TEAD2: variants seen among roughly 807,000 people sequenced by gnomAD.
TEAD2 encodes the protein transcriptional enhancer factor TEF-4.
TEAD2 carries 51 observed loss-of-function variants against 61.4 expected under a neutral mutation model. The ratio of observed to expected loss-of-function variants is 0.83; its 90% confidence interval spans 0.66 to 1.05. The LOEUF (loss-of-function observed/expected upper bound fraction) is 1.05. Ranked by LOEUF, TEAD2 falls within the 50% of genes least tolerant of loss-of-function variation. The pLI is 0.00. For missense variants in TEAD2, 509 were observed against 600.0 expected (o/e 0.85, Z 1.58); for synonymous variants, 244 against 243.2 (o/e 1.00, Z -0.03).
intron 10 of TEAD2, among the ~76,000 whole-genome samples, chr19:49,345,976 C>T (rs1971601697): frequency 6.6e-6 from 1 of 151,542 alleles, no homozygotes; most frequent in African/African-American, 2.4e-5. Flanking sequence ...ATCAGCCTGG[C>T]CAACATGACG....
chr19:49,348,729 C>A lies in TEAD2; in HGVS notation c.721G>T (p.Val241Leu), dbSNP rs766909400. 6.2e-7 allele frequency: 1 copy of A among 1,614,134 alleles called. No individual in the cohort carries two copies. Among genetic ancestry groups the A allele is most frequent in the Non-Finnish European group, 8.5e-7 (1 of 1,180,022 alleles). ...RLQLVEFSAF[V>L]EPPDAVDSYQ... The stretch of plus-strand genomic sequence containing the variant: ...GAATCAACTGCATCTGGCGGTTCCA[C>A]GAAGGCTGAGAACTCTACCAGCTGC... The change falls in exon 9 of 13, where the codon GTG becomes TTG. Residue 241 changes from valine to leucine, a missense_variant. Coordinates refer to ENST00000593945, the MANE Select transcript of TEAD2 (RefSeq NM_001256660.2).
chr19:49,349,177 T>A (rs770271163), intron 8 of TEAD2: 32 of 193,988 alleles, frequency 1.6e-4, no homozygotes, highest in Non-Finnish European at 2.8e-4. Context: ...TGAAATGTGA[T>A]CCCCAGCTGG....
rs779547789 is a variant in TEAD2 at position 49,341,389 on chromosome 19, CAT to C, written c.1289_1290del (p.Tyr430CysfsTer55). 1 of 1,614,074 alleles carries C rather than the reference CAT, an allele frequency of 6.2e-7. No homozygotes were observed. Among genetic ancestry groups the C allele is most frequent in the Non-Finnish European group, 8.5e-7 (1 of 1,179,982 alleles). The part of the protein sequence containing the change: ...DTQELLLCTA[Y>X]VFEVSTSERG... ...CGCTCGCTGGTGGAGACCTCGAAGACATAGGCGGTGCAGAGCAGCAGTTCCTG... is the reference window on the plus strand; with the variant it reads ...CGCTCGCTGGTGGAGACCTCGAAGACAGGCGGTGCAGAGCAGCAGTTCCTG... On this transcript the variant is annotated frameshift_variant, in exon 13 of 13. Coordinates refer to ENST00000593945, the MANE Select transcript of TEAD2 (RefSeq NM_001256660.2). LOFTEE classifies it high-confidence loss of function. This position sits in a 1 kb window ranked among gnomAD's most constrained non-coding sequence, Gnocchi z 4.2.
At chr19:49,345,062 C>T (rs1971545481) in intron 10 of TEAD2, among the ~76,000 whole-genome samples, 1 of 152,188 alleles carries the variant, frequency 6.6e-6, no homozygotes. Flanking sequence ...TCCTCTGAAC[C>T]CCTTCAGCAG....
chr19:49,344,409 T>C (rs1971502092), intron 10 of TEAD2, among the ~76,000 whole-genome samples: 1 of 151,974 alleles, frequency 6.6e-6, no homozygotes, highest in Non-Finnish European at 1.5e-5. Flanking sequence ...GCCTCCCAAG[T>C]GGCTGGGATT....
chr19:49,359,814 G>T lies in TEAD2; in HGVS notation c.232+30C>A. 6.2e-7 allele frequency: 1 copy of T among 1,603,832 alleles called. No homozygotes were observed. On this transcript the variant is annotated intron_variant, in intron 2 of 12. Transcript: ENST00000593945. The surrounding 1 kb of genome is among the most constrained non-coding windows in gnomAD (Gnocchi z 4.1). ...GTTACTGTCATTATTCATCAGTGGGGGCCAGGGCAAAAGACAGAAGTAGAC... is the reference window on the plus strand; with the variant it reads ...GTTACTGTCATTATTCATCAGTGGGTGCCAGGGCAAAAGACAGAAGTAGAC...
chr19:49,341,532 C>A lies in TEAD2; in HGVS notation c.1243-95G>T, dbSNP rs1971259738. The A allele has an allele frequency of 2.0e-6, 2 of 983,056 alleles. No individual in the cohort carries two copies. Among genetic ancestry groups the A allele is most frequent in the African/African-American group, 1.6e-5 (1 of 62,186 alleles). The allele number at this position is 983,056 out of a possible 1,614,324, so 60.9% of individuals were successfully genotyped here. A position where few individuals can be genotyped will look rare whatever the true frequency, so the allele number is the denominator to read the frequency against. ...AAGCTATCATGGAATACCCAGCAGG[C>A]TCTTTTCCATCTCCAGGAAACAGGC... On this transcript the variant is annotated intron_variant, in intron 12 of 12. Transcript: ENST00000593945. This position sits in a 1 kb window ranked among gnomAD's most constrained non-coding sequence, Gnocchi z 4.2.
intron 3 of TEAD2, among the ~76,000 whole-genome samples, chr19:49,358,139 C>G (rs965400338): frequency 3.9e-5 from 6 of 152,328 alleles, no homozygotes; most frequent in Non-Finnish European, 7.3e-5. Context: ...GAGGCTGAAG[C>G]AAGAGAATCG....
chr19:49,343,480 C>T lies in TEAD2; in HGVS notation c.922-82G>A, dbSNP rs755771129. On this transcript the variant is annotated intron_variant, in intron 10 of 12. Transcript: ENST00000593945. ...GACTACCAGGCGCAGTGGTTCACAC[C>T]TGTAATCCCAGTACTTTGGGAGGCC... 2.2e-5 allele frequency: 33 copies of T among 1,472,808 alleles called. 1 individual carries two copies. Among genetic ancestry groups the T allele is most frequent in the Non-Finnish European group, 2.5e-5 (28 of 1,109,116 alleles). The allele number at this position is 1,472,808 out of a possible 1,614,324, so 91.2% of individuals were successfully genotyped here.
At chr19:49,347,954 G>A (rs955498022) in intron 9 of TEAD2, among the ~76,000 whole-genome samples, 8 of 152,184 alleles carry the variant, frequency 5.3e-5, no homozygotes, top group African/African-American at 1.7e-4. Context: ...AGGCCGCTTT[G>A]CAGTTAGGTG....
At chr19:49,351,123 G>A (rs1362264373) in intron 8 of TEAD2, among the ~76,000 whole-genome samples, 178 bp downstream of exon 8, 1 of 152,126 alleles carries the variant, frequency 6.6e-6, no homozygotes, top group South Asian at 2.1e-4. Context: ...AGGTTGCAGT[G>A]AGCCGAGATC....
chr19:49,358,787 C>T (rs1414727443), intron 3 of TEAD2, among the ~76,000 whole-genome samples: 1 of 151,782 alleles, frequency 6.6e-6, no homozygotes, highest in Non-Finnish European at 1.5e-5. Flanking sequence ...CACACACTGC[C>T]ACTCCCAGCT....
chr19:49,349,319 T>C (rs2146407321), intron 8 of TEAD2, among the ~76,000 whole-genome samples: 1 of 152,088 alleles, frequency 6.6e-6, no homozygotes, highest in Non-Finnish European at 1.5e-5. Context: ...AAATATTAGC[T>C]GGGCATGGTG....
chr19:49,351,227 G>A (rs944085840), intron 8 of TEAD2, 74 bp downstream of exon 8: 4 of 1,384,884 alleles, frequency 2.9e-6, no homozygotes, highest in Middle Eastern at 1.8e-4. Context: ...TCAATTGATG[G>A]AAGGTTGAAG....
intron 9 of TEAD2, 103 bp from the exon 10 acceptor site, chr19:49,347,466 C>T (rs1310762021): frequency 1.5e-6 from 2 of 1,359,506 alleles, no homozygotes; most frequent in South Asian, 1.3e-5. Flanking sequence ...CAGCTCTGGC[C>T]AGCTGTTCCA....
At chr19:49,355,522 G>T (rs1972330642) in intron 5 of TEAD2, 103 bp from the exon 6 acceptor site, 1 of 956,644 alleles carries the variant, frequency 1.0e-6, no homozygotes, top group Non-Finnish European at 1.6e-6. Flanking sequence ...TGCAGAGGTG[G>T]GGAGTCAAGG....
chr19:49,346,381 G>A (rs985085464), intron 10 of TEAD2, among the ~76,000 whole-genome samples: 13 of 151,794 alleles, frequency 8.6e-5, no homozygotes, highest in African/African-American at 3.1e-4. Context: ...ACTTGGACGG[G>A]TGCGGTGGCT....
intron 3 of TEAD2, 129 bp from the exon 4 acceptor site, chr19:49,357,443 G>A (rs749798155): frequency 1.7e-5 from 17 of 987,268 alleles, no homozygotes; most frequent in African/African-American, 3.2e-5. Context: ...CTGAAGATGA[G>A]AGCCATCTCG....
intron 8 of TEAD2, among the ~76,000 whole-genome samples, chr19:49,350,955 C>T (rs970621461): frequency 6.6e-6 from 1 of 151,934 alleles, no homozygotes; most frequent in African/African-American, 2.4e-5. Context: ...CCGAGGCAGG[C>T]GGATCACAAT....
Sources: gnomAD v4.1 joint callset for allele counts (sites outside exome capture counted in the v4.1 genomes callset) on GRCh38, gnomAD v4.1.1 for gene constraint, Gnocchi (gnomAD v3.1) non-coding constraint, MANE v1.5 for transcripts, NCBI Gene and HGNC (gene_info 2026-07-23, HGNC 2026-07-21) for gene names.